Variants in NECAB1 observed in about 807,000 individuals in gnomAD.
The protein encoded by NECAB1 is N-terminal EF-hand calcium binding protein 1, also known as N-terminal EF-hand calcium-binding protein 1.
A neutral mutation model predicts 57.5 loss-of-function variants in NECAB1; 29 were observed. The observed-to-expected ratio is 0.50, with a 90% confidence interval of 0.38 to 0.69. The LOEUF is 0.69. Among genes scored for constraint, NECAB1 ranks in the 30% least tolerant of loss-of-function variants. The pLI is 0.00. For synonymous variants in NECAB1, 142 were observed against 147.7 expected, an observed-to-expected ratio of 0.96 and a Z score of 0.28; for missense variants, 372 against 413.8, an observed-to-expected ratio of 0.90 and a Z score of 0.88.
chr8:90,813,273 T>A (rs1392369340), intron 2 of NECAB1: 2 of 139,602 alleles, frequency 1.4e-5, no homozygotes, highest in Non-Finnish European at 3.2e-5. Flanking sequence ...ACACACACAC[T>A]TGTATAAGCA....
chr8:90,852,888 T>C lies in NECAB1; in HGVS notation c.234-19240T>C, dbSNP rs191363010. 5.3e-5 allele frequency among the ~76,000 whole-genome samples: 8 copies of C among 152,342 alleles called. No homozygotes were observed. The East Asian group carries it at 1.5e-3, about 29-fold the overall frequency. ...TTTTTCCTGAACACTGGACAAGAGCTTGAGAGCCACAAGTGTGGATGCAAA... is the reference window on the plus strand; with the variant it reads ...TTTTTCCTGAACACTGGACAAGAGCCTGAGAGCCACAAGTGTGGATGCAAA... On this transcript the variant is annotated intron_variant, in intron 3 of 12. Coordinates refer to ENST00000417640, the MANE Select transcript of NECAB1 (RefSeq NM_022351.5).
intron 9 of NECAB1, among the ~76,000 whole-genome samples, chr8:90,936,055 GT>G (rs1377269127): frequency 1.3e-5 from 2 of 152,012 alleles, no homozygotes; most frequent in Admixed American, 6.6e-5. Context: ...ATTAAAAGTT[GT>G]TTTTTTAATT....
intron 5 of NECAB1, among the ~76,000 whole-genome samples, chr8:90,906,897 A>ATATG (rs1809685812): frequency 7.1e-6 from 1 of 140,276 alleles, no homozygotes; most frequent in Admixed American, 7.1e-5. Context: ...ATATATATAT[A>ATATG]TATATATATA....
intron 5 of NECAB1, among the ~76,000 whole-genome samples, chr8:90,912,094 T>C (rs1563530697): frequency 6.6e-6 from 1 of 152,198 alleles, no homozygotes; most frequent in African/African-American, 2.4e-5. Flanking sequence ...TAGACACCTA[T>C]GAATGTGACC....
chr8:90,924,331 T>C (rs186381859), intron 6 of NECAB1, among the ~76,000 whole-genome samples: 3 of 152,234 alleles, frequency 2.0e-5, no homozygotes, highest in South Asian at 4.1e-4. Flanking sequence ...TTAGGGGATA[T>C]TTTCCACCAA....
At chr8:90,901,547 G>A (rs1325438410) in intron 5 of NECAB1, among the ~76,000 whole-genome samples, 1 of 152,198 alleles carries the variant, frequency 6.6e-6, no homozygotes, top group East Asian at 1.9e-4. Context: ...CAGTATTCTA[G>A]TCTAGCCGAG....
At chr8:90,927,792 TC>T (rs1810310843) in intron 7 of NECAB1, among the ~76,000 whole-genome samples, 1 of 137,874 alleles carries the variant, frequency 7.3e-6, no homozygotes, top group African/African-American at 3.0e-5. Context: ...ACACCAACTA[TC>T]TTGCCCTTAT....
At chr8:90,870,247 A>G (rs1808598703) in intron 3 of NECAB1, among the ~76,000 whole-genome samples, 2 of 152,206 alleles carry the variant, frequency 1.3e-5, no homozygotes, top group Admixed American at 1.3e-4. Context: ...GTAGTTCTTT[A>G]TAGCAATGTG....
chr8:90,942,546 A>C (rs569441777), intron 10 of NECAB1, among the ~76,000 whole-genome samples: 1 of 152,302 alleles, frequency 6.6e-6, no homozygotes, highest in South Asian at 2.1e-4. Context: ...AAAGGTGGGA[A>C]TATGTGTAGT....
intron 5 of NECAB1, among the ~76,000 whole-genome samples, chr8:90,905,193 T>C (rs1033789823): frequency 1.2e-4 from 18 of 152,182 alleles, no homozygotes; most frequent in African/African-American, 4.3e-4. Flanking sequence ...ATGCTATAAA[T>C]CAATAAGGAA....
intron 5 of NECAB1, among the ~76,000 whole-genome samples, chr8:90,909,706 T>G (rs1809781204): frequency 1.3e-5 from 2 of 152,150 alleles, no homozygotes. Context: ...ATAAGTCATT[T>G]GCTCTATATG....
chr8:90,935,563 A>T (rs1209977590), intron 9 of NECAB1, among the ~76,000 whole-genome samples: 2 of 152,130 alleles, frequency 1.3e-5, no homozygotes, highest in African/African-American at 4.8e-5. Context: ...GAGGCACAGG[A>T]ATTGTTAACC....
intron 6 of NECAB1, among the ~76,000 whole-genome samples, chr8:90,923,299 G>A (rs1301812017): frequency 5.3e-5 from 8 of 152,178 alleles, no homozygotes; most frequent in Admixed American, 4.6e-4. Flanking sequence ...ACTAACAAAG[G>A]AGATACTAAC....
chr8:90,921,918 G>A (rs1289896317), intron 6 of NECAB1, among the ~76,000 whole-genome samples: 5 of 152,164 alleles, frequency 3.3e-5, no homozygotes, highest in African/African-American at 9.7e-5. Flanking sequence ...ATGCCATGTT[G>A]GGCAAAATGT....
At chr8:90,823,601 A>G (rs1486944598) in intron 2 of NECAB1, among the ~76,000 whole-genome samples, 1 of 151,808 alleles carries the variant, frequency 6.6e-6, no homozygotes, top group African/African-American at 2.4e-5. Context: ...GGGGAAACAA[A>G]ATGTTCTAGA....
At chr8:90,862,522 G>C (rs993567975) in intron 3 of NECAB1, among the ~76,000 whole-genome samples, 1 of 152,114 alleles carries the variant, frequency 6.6e-6, no homozygotes, top group Non-Finnish European at 1.5e-5. Flanking sequence ...TTAGTAAAAT[G>C]AGGTATTTTA....
intron 3 of NECAB1, among the ~76,000 whole-genome samples, chr8:90,846,951 C>T (rs928217893): frequency 6.6e-6 from 1 of 152,162 alleles, no homozygotes; most frequent in South Asian, 2.1e-4. Flanking sequence ...CAAACCATAT[C>T]ATTGTGCCCT....
intron 7 of NECAB1, among the ~76,000 whole-genome samples, chr8:90,927,204 C>CTCTCTTT (rs10630870): frequency 1.5e-5 from 2 of 131,132 alleles, no homozygotes; most frequent in African/African-American, 6.0e-5. Flanking sequence ...TTTTCTCTCT[C>CTCTCTTT]TTTTTTTTTT....
chr8:90,802,316 C>A (rs1162067936), intron 2 of NECAB1, among the ~76,000 whole-genome samples: 1 of 152,144 alleles, frequency 6.6e-6, no homozygotes, highest in Admixed American at 6.5e-5. Context: ...ATGGCAACCT[C>A]GAAGTAAAAA....
Sources: gnomAD v4.1 joint callset for allele counts (sites outside exome capture counted in the v4.1 genomes callset) on GRCh38, gnomAD v4.1.1 for gene constraint, MANE v1.5 for transcripts, NCBI Gene and HGNC (gene_info 2026-07-23, HGNC 2026-07-21) for gene names.